The following EFCAB8 variants were observed in gnomAD, a reference collection of about 807,000 sequenced individuals.
The protein encoded by EFCAB8 is EF-hand calcium-binding domain-containing protein 8.
Under a neutral mutation model 116.3 loss-of-function variants are expected in EFCAB8, and 100 were observed. The observed-to-expected ratio is 0.86, with a 90% CI of 0.73 to 1.02. The LOEUF is 1.02. Among genes scored for constraint, EFCAB8 ranks in the 50% least tolerant of loss-of-function variants. The pLI is 0.00. For missense variants in EFCAB8, 1,320 were observed against 1,416.9 expected, an observed-to-expected ratio of 0.93 and a Z score of 1.10; for synonymous variants, 558 against 567.9, an observed-to-expected ratio of 0.98 and a Z score of 0.25.
intron 17 of EFCAB8, among the ~76,000 whole-genome samples, chr20:32,914,620 C>T (rs562436931): frequency 2.6e-5 from 4 of 152,208 alleles, no homozygotes; most frequent in Non-Finnish European, 2.9e-5. Context: ...AAGCAAGGCA[C>T]ATCTTACATG....
chr20:32,892,899 G>A (rs1193933734), intron 8 of EFCAB8, among the ~76,000 whole-genome samples: 1 of 150,488 alleles, frequency 6.6e-6, no homozygotes, highest in Non-Finnish European at 1.5e-5. Flanking sequence ...GGAGTGCAGT[G>A]GTGCCATCTT....
Position 32,930,387 on chromosome 20 carries a change from C to T in EFCAB8, c.2413-11C>T. 6.5e-7 allele frequency: 1 copy of T among 1,548,278 alleles called. No homozygotes were observed. Among genetic ancestry groups the T allele is most frequent in the Admixed American group, 2.0e-5 (1 of 50,984 alleles). On this transcript the variant is annotated splice_polypyrimidine_tract_variant and intron_variant, in intron 20 of 26. Transcript: ENST00000400522. The stretch of plus-strand genomic sequence containing the variant: ...CAGCCCTGCTGAGCCGGGCCCTCCT[C>T]TCTTCCTCAGATAATCTTCCTGCAG...
intron 20 of EFCAB8, 118 bp downstream of exon 20, chr20:32,920,333 C>A: frequency 1.5e-6 from 2 of 1,371,586 alleles, no homozygotes; most frequent in Non-Finnish European, 1.9e-6. Context: ...CTCCCCAGTG[C>A]CCGGAAGGCA....
At chr20:32,900,685 G>A (rs1986382452) in intron 11 of EFCAB8, among the ~76,000 whole-genome samples, 1 of 152,158 alleles carries the variant, frequency 6.6e-6, no homozygotes, top group Non-Finnish European at 1.5e-5. Flanking sequence ...CCCTGCCTCA[G>A]CCTCCCAGGT....
chr20:32,893,528 A>T (rs931616939), intron 9 of EFCAB8, among the ~76,000 whole-genome samples: 1 of 152,080 alleles, frequency 6.6e-6, no homozygotes. Context: ...CTCTCTGAGG[A>T]TGGGAGGCTG....
chr20:32,878,618 C>T (rs1040506573), intron 4 of EFCAB8, 86 bp from the exon 5 acceptor site: 148 of 1,064,792 alleles, frequency 1.4e-4, no homozygotes, highest in Non-Finnish European at 2.0e-4. Flanking sequence ...CCCGGGTTCA[C>T]GCCATTCTCC....
chr20:32,927,379 C>T (rs1173415877), intron 20 of EFCAB8, among the ~76,000 whole-genome samples: 1 of 152,102 alleles, frequency 6.6e-6, no homozygotes, highest in African/African-American at 2.4e-5. Flanking sequence ...GAGTCTCACT[C>T]TGTCTCCCAG....
chr20:32,899,215 C>A (rs1324175641), intron 11 of EFCAB8, among the ~76,000 whole-genome samples: 2 of 149,030 alleles, frequency 1.3e-5, no homozygotes, highest in Non-Finnish European at 3.0e-5. Flanking sequence ...GAAACCCCGT[C>A]TCTACTAAAA....
At chr20:32,932,782 G>A (rs1987957264) in intron 22 of EFCAB8, among the ~76,000 whole-genome samples, 1 of 152,218 alleles carries the variant, frequency 6.6e-6, no homozygotes. Flanking sequence ...AGGCATTTCT[G>A]TAGGAGATGT....
intron 23 of EFCAB8, among the ~76,000 whole-genome samples, chr20:32,944,145 A>G (rs1371960231): frequency 2.6e-5 from 4 of 152,222 alleles, no homozygotes. Flanking sequence ...ATTTTGAGAA[A>G]GTAAATACAT....
intron 1 of EFCAB8, among the ~76,000 whole-genome samples, chr20:32,862,157 G>C (rs1260263907): frequency 6.7e-6 from 1 of 149,978 alleles, no homozygotes; most frequent in African/African-American, 2.5e-5. Flanking sequence ...TTGAGACAGG[G>C]TCTCACTCTG....
At chr20:32,956,126 G>T (rs1988957551) in intron 23 of EFCAB8, among the ~76,000 whole-genome samples, 1 of 151,666 alleles carries the variant, frequency 6.6e-6, no homozygotes, top group Non-Finnish European at 1.5e-5. Context: ...TCTTTAAATG[G>T]TATCTTTTGT....
Position 32,909,707 on chromosome 20 carries a change from G to A in EFCAB8, c.1447-114G>A, listed in dbSNP as rs183821878. 53 of 455,202 alleles carry A rather than the reference G, an allele frequency of 1.2e-4. No homozygotes were observed. The Admixed American group carries it at 1.6e-3, about 14-fold the overall frequency. 28.2% of individuals were successfully genotyped at this position (455,202 alleles called of 1,614,324 possible). On this transcript the variant is annotated intron_variant, in intron 14 of 26. Transcript: ENST00000400522. The stretch of plus-strand genomic sequence containing the variant: ...GGAGTCTTGCTGGAATCAGGCCTGC[G>A]TGTGGTCAGGACGTCTTGATGTCGT...
intron 14 of EFCAB8, among the ~76,000 whole-genome samples, chr20:32,909,131 G>T (rs1313520820): frequency 6.6e-6 from 1 of 152,204 alleles, no homozygotes; most frequent in Non-Finnish European, 1.5e-5. Context: ...CCCACGCTCC[G>T]TGGGCTGGGC....
intron 3 of EFCAB8, among the ~76,000 whole-genome samples, chr20:32,870,856 CTTCTT>C (rs1260783097): frequency 2.0e-4 from 25 of 123,262 alleles, no homozygotes; most frequent in Non-Finnish European, 3.8e-4. Flanking sequence ...TCTACTTCTT[CTTCTT>C]TTTTTTTTTT....
chr20:32,893,299 G>A lies in EFCAB8; in HGVS notation c.883+1G>A. ...ATCCTCCCCAGGGCCTCCAAGTGGG[G>A]TAGCTAAGATGCTGGGGAAGGGGGC... On this transcript the variant is annotated splice_donor_variant, in intron 9 of 26. Transcript: ENST00000400522. LOFTEE classifies it high-confidence loss of function. 1 of 1,551,804 alleles carries A rather than the reference G, an allele frequency of 6.4e-7. No homozygotes were observed. Among genetic ancestry groups the A allele is most frequent in the South Asian group, 1.2e-5 (1 of 84,066 alleles).
intron 14 of EFCAB8, among the ~76,000 whole-genome samples, chr20:32,908,762 A>C (rs1398102115): frequency 6.6e-6 from 1 of 151,754 alleles, no homozygotes; most frequent in African/African-American, 2.4e-5. Context: ...GAGCCTCATA[A>C]CTCTGTCCTG....
chr20:32,867,906 T>A (rs1481734409), intron 3 of EFCAB8, among the ~76,000 whole-genome samples, 159 bp downstream of exon 3: 1 of 151,926 alleles, frequency 6.6e-6, no homozygotes, highest in Non-Finnish European at 1.5e-5. Flanking sequence ...AGTGGTGTGA[T>A]CACCACGGCA....
intron 20 of EFCAB8, among the ~76,000 whole-genome samples, chr20:32,922,285 A>C (rs1406356518): frequency 6.6e-6 from 1 of 152,198 alleles, no homozygotes; most frequent in Non-Finnish European, 1.5e-5. Context: ...ATTTCTGGGC[A>C]CTAGTGTGAG....
Sources: gnomAD v4.1 joint callset for allele counts (sites outside exome capture counted in the v4.1 genomes callset) on GRCh38, gnomAD v4.1.1 for gene constraint, MANE v1.5 for transcripts, NCBI Gene and HGNC (gene_info 2026-07-23, HGNC 2026-07-21) for gene names.